Variants in ZFP62 observed in about 807,000 individuals in gnomAD.
The protein encoded by ZFP62 is zinc finger protein 62 homolog.
In ZFP62, 44 loss-of-function variants were observed where a neutral mutation model predicts 56.4. The ratio of observed to expected loss-of-function variants is 0.78; its 90% CI spans 0.61 to 1.00. The LOEUF (loss-of-function observed/expected upper bound fraction) is 1.00. ZFP62 is among the 50% of genes least tolerant of loss of function. ZFP62 has a pLI of 0.00. For synonymous variants in ZFP62, 421 were observed against 388.9 expected (o/e 1.08, Z -0.97); for missense variants, 1,030 against 1,085.7 (o/e 0.95, Z 0.72).
intron 1 of ZFP62, among the ~76,000 whole-genome samples, chr5:180,855,342 GC>G (rs1773914280): frequency 6.6e-6 from 1 of 152,224 alleles, no homozygotes; most frequent in Non-Finnish European, 1.5e-5. Context: ...GTACTGCTTT[GC>G]CATCCTACTG....
chr5:180,829,408 T>G, the ZFP62 span, among the ~76,000 whole-genome samples: 1 of 152,338 alleles, frequency 6.6e-6, no homozygotes, highest in Middle Eastern at 3.4e-3. Context: ...CCTTTTGAAA[T>G]CCTTAATAAA....
Position 180,851,313 on chromosome 5 carries a change from A to C in ZFP62, c.182T>G (p.Met61Arg), listed in dbSNP as rs1405598823. The change falls in exon 2 of 2, where the codon ATG becomes AGG. Residue 61 changes from methionine (M) to arginine (R), a missense_variant. By Grantham distance (91) the Met-to-Arg change is moderately conservative. Transcript: ENST00000502412. ...CCTGATGCTGCTTTTGTCCTCCTTCATCCTGTTTTCCACAGGCTTTTTCTG... is the reference window on the plus strand; with the variant it reads ...CCTGATGCTGCTTTTGTCCTCCTTCCTCCTGTTTTCCACAGGCTTTTTCTG... Reference protein sequence around the residue: ...NQQKKPVENRMKEDKSSIREA... With the variant: ...NQQKKPVENRRKEDKSSIREA... The C allele has an allele frequency of 1.5e-5, 23 of 1,551,398 alleles. No homozygotes were observed. Among genetic ancestry groups the C allele is most frequent in the Non-Finnish European group, 1.9e-5 (22 of 1,146,976 alleles).
intron 1 of ZFP62, among the ~76,000 whole-genome samples, chr5:180,858,518 G>C (rs778647150): frequency 6.6e-6 from 1 of 152,082 alleles, no homozygotes; most frequent in Non-Finnish European, 1.5e-5. Flanking sequence ...TGAGGCACAA[G>C]AATCGCTTGA....
chr5:180,836,810 A>G, the ZFP62 span, among the ~76,000 whole-genome samples: 1 of 152,282 alleles, frequency 6.6e-6, no homozygotes, highest in Admixed American at 6.5e-5. Context: ...TCTATGGGCT[A>G]CTCTTTGCAG....
the ZFP62 span, among the ~76,000 whole-genome samples, chr5:180,841,180 A>G: frequency 1.3e-5 from 2 of 152,094 alleles, no homozygotes; most frequent in East Asian, 3.9e-4. Flanking sequence ...TGGAAAGAAA[A>G]TGAACTTGCT....
intron 1 of ZFP62, among the ~76,000 whole-genome samples, chr5:180,854,398 G>A (rs1251241399): frequency 6.6e-6 from 1 of 152,234 alleles, no homozygotes; most frequent in Admixed American, 6.5e-5. Flanking sequence ...GCTTACAGCA[G>A]AATGTGAGTG....
chr5:180,857,126 A>G (rs1288899411), intron 1 of ZFP62, among the ~76,000 whole-genome samples: 1 of 152,168 alleles, frequency 6.6e-6, no homozygotes, highest in African/African-American at 2.4e-5. Flanking sequence ...AAAATCAGAC[A>G]GGTAGGCAAA....
chr5:180,837,283 T>C, the ZFP62 span, among the ~76,000 whole-genome samples: 21 of 152,256 alleles, frequency 1.4e-4, no homozygotes, highest in Non-Finnish European at 2.6e-4. Context: ...TGCTTTTTCA[T>C]ACAATGGCTT....
chr5:180,852,799 T>C (rs1773782040), intron 1 of ZFP62, among the ~76,000 whole-genome samples: 1 of 152,132 alleles, frequency 6.6e-6, no homozygotes, highest in South Asian at 2.1e-4. Context: ...GGAAAACAGG[T>C]AAAAAGATGA....
At chr5:180,837,905 C>T in the ZFP62 span, among the ~76,000 whole-genome samples, 3 of 152,100 alleles carry the variant, frequency 2.0e-5, no homozygotes, top group African/African-American at 7.2e-5. Flanking sequence ...TCAGCTGATG[C>T]ACCTTCAAGT....
intron 1 of ZFP62, among the ~76,000 whole-genome samples, chr5:180,858,976 G>A (rs537453593): frequency 3.3e-5 from 5 of 152,090 alleles, no homozygotes; most frequent in Non-Finnish European, 7.4e-5. Flanking sequence ...GCACTCTTCC[G>A]AGCTTCTTGT....
the ZFP62 span, among the ~76,000 whole-genome samples, chr5:180,827,423 G>C: frequency 1.3e-5 from 2 of 152,242 alleles, no homozygotes; most frequent in Non-Finnish European, 2.9e-5. Flanking sequence ...CCTGAAACGT[G>C]TGCTGTGTCA....
At chr5:180,855,299 A>G (rs2113705030) in intron 1 of ZFP62, among the ~76,000 whole-genome samples, 1 of 152,238 alleles carries the variant, frequency 6.6e-6, no homozygotes, top group Middle Eastern at 3.4e-3. Flanking sequence ...TCAGAAAGCA[A>G]ATTTGTTTCC....
chr5:180,852,477 C>T (rs1453517672), intron 1 of ZFP62, among the ~76,000 whole-genome samples: 1 of 151,320 alleles, frequency 6.6e-6, no homozygotes, highest in East Asian at 1.9e-4. Flanking sequence ...TCACTTGAAC[C>T]TGGGAGGCAG....
At position 180,849,067 on chromosome 5, in the gene ZFP62, T is replaced by A; in HGVS notation, c.2428A>T (p.Lys810Ter). ...LINHKSVHQG[K>*]QPYNCECGKS... The stretch of plus-strand genomic sequence containing the variant: ...CCACACTCACAATTATAGGGCTGCT[T>A]CCCCTGGTGGACACTTTTATGATTG... Residue 810 changes from lysine (K) to a stop codon, truncating the protein, a stop_gained, in exon 2 of 2, where the codon AAG (lysine) becomes TAG (stop). Coordinates refer to ENST00000502412, the MANE Select transcript of ZFP62 (RefSeq NM_001172638.2). LOFTEE classifies it high-confidence loss of function. The A allele has an allele frequency of 6.4e-7, 1 of 1,552,442 alleles. No homozygotes were observed. The highest frequency in any genetic ancestry group is 8.7e-7 in the Non-Finnish European group (1 of 1,147,244).
rs768079358 is a variant in ZFP62, at chr5:180,849,820, G to A, written c.1675C>T (p.Arg559Ter). ...CCACATTCTTCACATTTGTAAGGTC[G>A]TTCCCCAGTGTGGATTCGTTTATGT... is the stretch of plus-strand genomic sequence containing the variant. Reference protein sequence around the residue: ...KVHKRIHTGERPYKCEECGKA... With the variant: ...KVHKRIHTGE The change falls in exon 2 of 2, where the codon CGA becomes TGA. Residue 559 changes from arginine to a stop codon, truncating the protein, a stop_gained. Coordinates refer to ENST00000502412, the MANE Select transcript of ZFP62 (RefSeq NM_001172638.2). LOFTEE classifies it high-confidence loss of function. The A allele has an allele frequency of 7.7e-6, 12 of 1,551,666 alleles. No homozygotes were observed. The highest frequency in any genetic ancestry group is 9.6e-6 in the Non-Finnish European group (11 of 1,147,006).
chr5:180,856,211 G>A (rs749108848), intron 1 of ZFP62, among the ~76,000 whole-genome samples: 6 of 152,170 alleles, frequency 3.9e-5, no homozygotes, highest in Non-Finnish European at 7.3e-5. Flanking sequence ...GGGTTGGGGC[G>A]CATGATGTCC....
chr5:180,848,380 T>A lies in ZFP62; in HGVS notation c.*412A>T, dbSNP rs1287775030. 3 of 992,238 alleles carry A rather than the reference T, an allele frequency of 3.0e-6. No individual in the cohort carries two copies. The highest frequency in any genetic ancestry group is 3.5e-5 in the African/African-American group (2 of 57,438). The allele number at this position is 992,238 out of a possible 1,614,324, so 61.5% of individuals were successfully genotyped here. Reference sequence around the variant, plus strand: ...CTTAGTTTTCCCACTGACCAATGTGTAATTGGGATTCAAAGCTATACCTGA... The same window carrying A: ...CTTAGTTTTCCCACTGACCAATGTGAAATTGGGATTCAAAGCTATACCTGA... On this transcript the variant is annotated 3_prime_UTR_variant, in exon 2 of 2. Coordinates refer to ENST00000502412, the MANE Select transcript of ZFP62 (RefSeq NM_001172638.2).
the ZFP62 span, among the ~76,000 whole-genome samples, chr5:180,827,828 A>G: frequency 6.6e-5 from 10 of 152,362 alleles, no homozygotes; most frequent in African/African-American, 2.4e-4. Flanking sequence ...ATCTACTGAG[A>G]TAGGGAAAAA....
Sources: allele counts gnomAD v4.1 joint callset (sites outside exome capture counted in the v4.1 genomes callset), GRCh38; gene constraint gnomAD v4.1.1; transcripts MANE v1.5; gene names NCBI Gene and HGNC (gene_info 2026-07-23, HGNC 2026-07-21).